The following C5 variants were observed in gnomAD, a reference collection of about 807,000 sequenced individuals.
The protein encoded by C5 is C3 and PZP-like alpha-2-macroglobulin domain-containing protein 4.
In C5, 140 loss-of-function variants were observed where a neutral mutation model predicts 218.8. That is an observed-to-expected ratio of 0.64 (90% confidence interval 0.56 to 0.74). The LOEUF is 0.74. Among genes scored for constraint, C5 ranks in the 30% least tolerant of loss-of-function variants. The pLI, the probability that C5 is intolerant of heterozygous loss-of-function variation, is 0.00. For synonymous variants in C5, 614 were observed against 682.3 expected, an observed-to-expected ratio of 0.90 and a Z score of 1.56; for missense variants, 1,700 against 1,969.6, an observed-to-expected ratio of 0.86 and a Z score of 2.59.
At chr9:121,021,487 A>G (rs2047364522) in intron 11 of C5, 22 bp downstream of exon 11, 2 of 1,597,696 alleles carry the variant, frequency 1.3e-6, no homozygotes, top group African/African-American at 2.7e-5. Context: ...CCTAGAAAAT[A>G]CAACAGGAGA....
chr9:121,020,927 T>C (rs906508946), intron 11 of C5, among the ~76,000 whole-genome samples: 2 of 152,238 alleles, frequency 1.3e-5, no homozygotes, highest in African/African-American at 2.4e-5. Context: ...GCATGATGCC[T>C]AGCATTTAGT....
intron 30 of C5, 53 bp downstream of exon 30, chr9:120,974,726 G>T (rs532055367): frequency 3.4e-5 from 50 of 1,452,260 alleles, no homozygotes; most frequent in South Asian, 4.6e-5. Flanking sequence ...TGGAACAGAT[G>T]ATTTCAATGG....
At chr9:120,966,733 T>C (rs1015546961) in intron 33 of C5, among the ~76,000 whole-genome samples, 2 of 151,830 alleles carry the variant, frequency 1.3e-5, no homozygotes, top group African/African-American at 2.4e-5. Flanking sequence ...CATTAGGGAA[T>C]GAGGAAAGAT....
At chr9:121,034,728 G>A in intron 5 of C5, 75 bp downstream of exon 5, 1 of 764,646 alleles carries the variant, frequency 1.3e-6, no homozygotes, top group Non-Finnish European at 2.4e-6. Context: ...ACATTAGGTG[G>A]CCCCCTTTAA....
chr9:121,018,422 A>C (rs2047328070), intron 12 of C5, among the ~76,000 whole-genome samples: 1 of 151,506 alleles, frequency 6.6e-6, no homozygotes, highest in Non-Finnish European at 1.5e-5. Context: ...AAAAATAAAA[A>C]AATTAGCCGG....
At chr9:121,047,339 C>G (rs1391632425) in intron 1 of C5, among the ~76,000 whole-genome samples, 1 of 152,080 alleles carries the variant, frequency 6.6e-6, no homozygotes. Flanking sequence ...CTTATTTTTA[C>G]TTTTCATGTG....
At position 120,989,208 on chromosome 9, in the gene C5, G is replaced by A. The variant is rs2047057299; in HGVS notation, c.3155-87C>T. The A allele has an allele frequency of 1.1e-5, 12 of 1,063,570 alleles. No individual in the cohort carries two copies. The East Asian group carries it at 2.9e-4, about 25-fold the overall frequency. 65.9% of individuals were successfully genotyped at this position (1,063,570 alleles called of 1,614,324 possible). A position where few individuals can be genotyped will look rare whatever the true frequency, so the allele number is the denominator to read the frequency against. On this transcript the variant is annotated intron_variant, in intron 24 of 40. Coordinates refer to ENST00000223642, the MANE Select transcript of C5 (RefSeq NM_001735.3). ...CTTTATCAGGCCCTGAGAATGGTAA[G>A]CTTCCTTTGGTGTTGGGCAGCAAGC...
At chr9:121,052,653 C>T (rs2047678472), upstream of C5, among the ~76,000 whole-genome samples, 1 of 151,968 alleles carries the variant, frequency 6.6e-6, no homozygotes, top group Non-Finnish European at 1.5e-5. Flanking sequence ...ATGACCTAGC[C>T]TAGTGCACCA....
Position 120,971,975 on chromosome 9 carries a change from G to A in C5, c.4035C>T (p.Asp1345=), listed in dbSNP as rs777657558. ...TGCCAAATCCTGTACTGACAATGAG[G>A]TCATCATTGAGAAGCACCTGGAAAG... ...GRPVEVLLND[D]LIVSTGFGSG... The change falls in exon 31 of 41, where the codon GAC becomes GAT. Residue 1345 remains aspartate, a synonymous_variant. Transcript: ENST00000223642. 1.9e-6 allele frequency: 3 copies of A among 1,613,032 alleles called. No individual in the cohort carries two copies. Among genetic ancestry groups the A allele is most frequent in the East Asian group, 4.5e-5 (2 of 44,858 alleles).
chr9:121,048,112 G>A (rs1193979715), intron 1 of C5, among the ~76,000 whole-genome samples: 1 of 152,148 alleles, frequency 6.6e-6, no homozygotes, highest in African/African-American at 2.4e-5. Flanking sequence ...ATTTTCAACT[G>A]TTGTACTAAA....
intron 20 of C5, among the ~76,000 whole-genome samples, chr9:121,001,560 G>C (rs1467708135): frequency 2.0e-5 from 3 of 152,086 alleles, no homozygotes; most frequent in Non-Finnish European, 2.9e-5. Context: ...TGTATTCATT[G>C]TGTATACATA....
At chr9:121,061,135 C>A in the C5 span, among the ~76,000 whole-genome samples, 7 of 152,182 alleles carry the variant, frequency 4.6e-5, no homozygotes, top group East Asian at 1.3e-3. Flanking sequence ...TTGTAGTGAG[C>A]GGAGATCGTG....
the C5 span, among the ~76,000 whole-genome samples, chr9:121,073,688 A>G: frequency 6.6e-6 from 1 of 151,606 alleles, no homozygotes; most frequent in Non-Finnish European, 1.5e-5. Context: ...TAATTTTTGT[A>G]TTTTTAGTAG....
At chr9:121,042,975 C>A in intron 3 of C5, 29 bp downstream of exon 3, 2 of 1,586,636 alleles carry the variant, frequency 1.3e-6, no homozygotes, top group Non-Finnish European at 1.7e-6. Context: ...AAATCCCCCA[C>A]CCAGAGGAAG....
At chr9:121,005,893 T>C in intron 20 of C5, 26 bp downstream of exon 20, 1 of 1,609,990 alleles carries the variant, frequency 6.2e-7, no homozygotes, top group Non-Finnish European at 8.5e-7. Context: ...GTTTCCTTTA[T>C]CCCATAAATA....
intron 22 of C5, 104 bp from the exon 23 acceptor site, chr9:120,991,384 CTT>C (rs1179684978): frequency 1.4e-6 from 1 of 732,758 alleles, no homozygotes. Flanking sequence ...AAATAAAAGA[CTT>C]ATAATTAGAC....
intron 15 of C5, among the ~76,000 whole-genome samples, chr9:121,015,754 G>A (rs1366757596): frequency 6.6e-6 from 1 of 152,160 alleles, no homozygotes; most frequent in Non-Finnish European, 1.5e-5. Context: ...ACAACTACAT[G>A]TAAGAATGCA....
chr9:121,014,857 T>C (rs1213204717), intron 16 of C5, among the ~76,000 whole-genome samples: 5 of 152,144 alleles, frequency 3.3e-5, no homozygotes, highest in Non-Finnish European at 7.4e-5. Flanking sequence ...ATCCCCAAAA[T>C]AGTCAAATCA....
At chr9:121,061,771 G>C in the C5 span, among the ~76,000 whole-genome samples, 1 of 152,138 alleles carries the variant, frequency 6.6e-6, no homozygotes, top group African/African-American at 2.4e-5. Context: ...GTATGTCATA[G>C]TTCATACATG....
Sources: allele counts gnomAD v4.1 joint callset (sites outside exome capture counted in the v4.1 genomes callset), GRCh38; gene constraint gnomAD v4.1.1; transcripts MANE v1.5; gene names NCBI Gene and HGNC (gene_info 2026-07-23, HGNC 2026-07-21).